DSCAML1: variants seen among roughly 807,000 people sequenced by gnomAD.
DSCAML1 encodes cell adhesion molecule DSCAML1.
A neutral mutation model predicts 200.5 loss-of-function variants in DSCAML1; 38 were observed. That is an observed-to-expected ratio of 0.19 (90% CI 0.15 to 0.25). The LOEUF (loss-of-function observed/expected upper bound fraction) is 0.25, where lower values mean the gene tolerates loss of function less well. Ranked by LOEUF, DSCAML1 falls within the 10% of genes least tolerant of loss-of-function variation. The probability of loss-of-function intolerance (pLI) is 1.00; values close to 1 mark genes in which losing one functional copy is unlikely to be tolerated. For missense variants in DSCAML1, 2,223 were observed against 2,858.8 expected, an observed-to-expected ratio of 0.78 and a Z score of 5.07; for synonymous variants, 1,215 against 1,165.0, an observed-to-expected ratio of 1.04 and a Z score of -0.87.
In DSCAML1 at chr11:117,444,010, C is replaced by G. The variant is rs764868783; in HGVS notation, c.3738G>C (p.Glu1246Asp). 6.2e-6 allele frequency: 10 copies of G among 1,613,704 alleles called. No homozygotes were observed. The South Asian group carries it at 1.1e-4, about 18-fold the overall frequency. Residue 1246 changes from glutamate (E) to aspartate (D), a missense_variant, in exon 21 of 33, where the codon GAG becomes GAC. Around this residue, in one of 7 missense-constraint regions of DSCAML1, gnomAD observed 614 missense variants for 739.1 expected, o/e 0.83. Transcript: ENST00000651296. ...PAPSEYETSPEQLFYRIAHLN... is the reference protein window; with the variant it reads ...PAPSEYETSPDQLFYRIAHLN... Reference sequence around the variant, plus strand: ...GGTGGGCGATCCGGTAGAAGAGCTGCTCTGGACTCGTCTCGTACTCGCTGG... The same window carrying G: ...GGTGGGCGATCCGGTAGAAGAGCTGGTCTGGACTCGTCTCGTACTCGCTGG...
intron 4 of DSCAML1, among the ~76,000 whole-genome samples, chr11:117,526,290 C>G (rs1382428463): frequency 6.6e-6 from 1 of 152,160 alleles, no homozygotes; most frequent in Non-Finnish European, 1.5e-5. Context: ...GTCGGCCTGG[C>G]CTGCCTACAC....
At position 117,480,010 on chromosome 11, in the gene DSCAML1, T is replaced by C. The variant is rs866539165; in HGVS notation, c.2785+433A>G. Among the ~76,000 whole-genome samples, 25 of 152,132 alleles carry C rather than the reference T, an allele frequency of 1.6e-4. No individual in the cohort carries two copies. The highest frequency in any genetic ancestry group is 5.1e-4 in the African/African-American group (21 of 41,432). ...TCCAGGGCCTCCTATCCCCCACTCATGGGGACCATTCTTAGGACCAGCTCT... is the reference window on the plus strand; with the variant it reads ...TCCAGGGCCTCCTATCCCCCACTCACGGGGACCATTCTTAGGACCAGCTCT... On this transcript the variant is annotated intron_variant, in intron 14 of 32. Coordinates refer to ENST00000651296, the MANE Select transcript of DSCAML1 (RefSeq NM_020693.4). The surrounding 1 kb of genome is among the most constrained non-coding windows in gnomAD (Gnocchi z 4.1).
At chr11:117,575,025 T>C (rs1171281691) in intron 3 of DSCAML1, among the ~76,000 whole-genome samples, 2 of 152,128 alleles carry the variant, frequency 1.3e-5, no homozygotes, top group Non-Finnish European at 2.9e-5. Context: ...ACCCCGTCTC[T>C]ACTAAAGATA....
intron 3 of DSCAML1, among the ~76,000 whole-genome samples, chr11:117,765,561 C>T (rs2054882236): frequency 6.6e-6 from 1 of 152,184 alleles, no homozygotes; most frequent in African/African-American, 2.4e-5. Flanking sequence ...ACCTCCCAGG[C>T]CGCACAGCAA....
chr11:117,541,976 G>A (rs1477653619), intron 3 of DSCAML1, among the ~76,000 whole-genome samples: 3 of 152,188 alleles, frequency 2.0e-5, no homozygotes, highest in Admixed American at 6.5e-5. Context: ...CCACATTCAA[G>A]TCCAGGACCC....
chr11:117,531,857 G>A (rs2050081219), intron 4 of DSCAML1, among the ~76,000 whole-genome samples: 1 of 147,624 alleles, frequency 6.8e-6, no homozygotes, highest in Non-Finnish European at 1.5e-5. Flanking sequence ...TTGCACTCCA[G>A]CCTGGGCAAC....
At chr11:117,477,265 C>T (rs2048812846) in intron 14 of DSCAML1, among the ~76,000 whole-genome samples, 1 of 149,448 alleles carries the variant, frequency 6.7e-6, no homozygotes, top group African/African-American at 2.5e-5. Context: ...TCCTCTGTTC[C>T]CTTGGATACC....
upstream of DSCAML1, chr11:117,797,244 C>T (rs764250307): frequency 1.9e-5 from 27 of 1,449,292 alleles, no homozygotes; most frequent in Non-Finnish European, 1.5e-5. Context: ...CTCCTCGGCT[C>T]CCCGGCTCCT....
At position 117,428,556 on chromosome 11, in the gene DSCAML1, G is replaced by C. The variant is rs561070197; in HGVS notation, c.5934C>G (p.Ala1978=). The change falls in exon 33 of 33, where the codon GCC becomes GCG. Residue 1978 remains alanine, a synonymous_variant. Transcript: ENST00000651296. ...TLPQRTLAMP[A]PPAGTAPPAP... is the part of the protein sequence containing the mutation. ...CTGGGGGGGCTGTGCCGGCTGGGGG[G>C]GCTGGCATGGCCAGAGTCCTCTGAG... 11 of 1,549,816 alleles carry C rather than the reference G, an allele frequency of 7.1e-6. No homozygotes were observed. The Admixed American group carries it at 7.7e-5, about 11-fold the overall frequency.
At chr11:117,714,189 G>A (rs2053905778) in intron 3 of DSCAML1, among the ~76,000 whole-genome samples, 1 of 152,196 alleles carries the variant, frequency 6.6e-6, no homozygotes, top group Non-Finnish European at 1.5e-5. Flanking sequence ...GCTGTTACCT[G>A]TGTTTATTTT....
At position 117,518,182 on chromosome 11, in the gene DSCAML1, G is replaced by T. The variant is rs565139673; in HGVS notation, c.1510+284C>A. Among the ~76,000 whole-genome samples the T allele has an allele frequency of 2.0e-4, 31 of 152,262 alleles. No homozygotes were observed. The highest frequency in any genetic ancestry group is 7.5e-4 in the African/African-American group (31 of 41,546). On this transcript the variant is annotated intron_variant, in intron 7 of 32. Coordinates refer to ENST00000651296, the MANE Select transcript of DSCAML1 (RefSeq NM_020693.4). The surrounding 1 kb of genome is among the most constrained non-coding windows in gnomAD (Gnocchi z 6.3). ...TTGATGGGGAGGAATGGGCTAGAGG[G>T]TAAGAGAAGGGGCTGGGCTGGCTGG... is the stretch of plus-strand genomic sequence containing the variant.
chr11:117,796,641 G>A (rs2055582271), intron 1 of DSCAML1, among the ~76,000 whole-genome samples: 1 of 152,222 alleles, frequency 6.6e-6, no homozygotes, highest in African/African-American at 2.4e-5. Flanking sequence ...GGACTCCTAG[G>A]TCAAGAGTCA....
chr11:117,488,008 G>A (rs1321376353), intron 11 of DSCAML1, among the ~76,000 whole-genome samples: 1 of 152,188 alleles, frequency 6.6e-6, no homozygotes, highest in Non-Finnish European at 1.5e-5. Context: ...AGACGGTCTG[G>A]GAATGTGGCT....
intron 3 of DSCAML1, among the ~76,000 whole-genome samples, chr11:117,735,428 G>T (rs561354104): frequency 1.3e-5 from 2 of 152,186 alleles, no homozygotes; most frequent in South Asian, 2.1e-4. Context: ...TTGGCTCAAG[G>T]TCACACAGGT....
intron 3 of DSCAML1, among the ~76,000 whole-genome samples, chr11:117,536,535 T>G (rs1373048131): frequency 6.6e-6 from 1 of 152,138 alleles, no homozygotes; most frequent in Non-Finnish European, 1.5e-5. Context: ...AGGTGGGACA[T>G]TTGGGGTTGA....
intron 4 of DSCAML1, among the ~76,000 whole-genome samples, chr11:117,530,736 T>C (rs1346877329): frequency 6.6e-6 from 1 of 151,894 alleles, no homozygotes; most frequent in African/African-American, 2.4e-5. Flanking sequence ...GCAGAGCTCA[T>C]CACCAAACCA....
At chr11:117,547,925 C>A (rs969259011) in intron 3 of DSCAML1, among the ~76,000 whole-genome samples, 1 of 152,214 alleles carries the variant, frequency 6.6e-6, no homozygotes, top group Non-Finnish European at 1.5e-5. Flanking sequence ...TCTCCCACCC[C>A]TTCCCAGGGT....
chr11:117,462,145 C>A (rs1216062055), intron 17 of DSCAML1, among the ~76,000 whole-genome samples: 1 of 152,204 alleles, frequency 6.6e-6, no homozygotes, highest in East Asian at 1.9e-4. Flanking sequence ...CTTCAGCTAA[C>A]CCTGGTGCAG....
intron 3 of DSCAML1, among the ~76,000 whole-genome samples, chr11:117,773,364 T>C (rs1722696755): frequency 6.6e-6 from 1 of 152,106 alleles, no homozygotes; most frequent in Non-Finnish European, 1.5e-5. Context: ...GCCCTGCAGA[T>C]CCAGAAATCA....
Sources: allele counts gnomAD v4.1 joint callset (sites outside exome capture counted in the v4.1 genomes callset), GRCh38; gene constraint gnomAD v4.1.1; regional missense constraint gnomAD v4.1.1; non-coding constraint Gnocchi (gnomAD v3.1); transcripts MANE v1.5; gene names NCBI Gene and HGNC (gene_info 2026-07-23, HGNC 2026-07-21).